Variants in FAF1 observed in about 807,000 individuals in gnomAD.
The protein encoded by FAF1 is Fas associated factor 1, also known as FAS-associated factor 1.
Under a neutral mutation model 92.5 loss-of-function variants are expected in FAF1, and 25 were observed. The observed-to-expected ratio is 0.27, with a 90% CI of 0.20 to 0.38. The LOEUF (loss-of-function observed/expected upper bound fraction) is 0.38. Ranked by LOEUF, FAF1 falls within the 10% of genes least tolerant of loss-of-function variation. The pLI is 1.00. For missense variants in FAF1, 636 were observed against 793.3 expected, an observed-to-expected ratio of 0.80 and a Z score of 2.38; for synonymous variants, 234 against 273.2, an observed-to-expected ratio of 0.86 and a Z score of 1.42.
chr1:50,503,290 T>C (rs1228268186), intron 15 of FAF1, among the ~76,000 whole-genome samples: 1 of 152,164 alleles, frequency 6.6e-6, no homozygotes, highest in East Asian at 1.9e-4. Flanking sequence ...GTTAACTGTA[T>C]CTTATGTAAA....
intron 7 of FAF1, among the ~76,000 whole-genome samples, chr1:50,683,645 G>A (rs1483657272): frequency 6.6e-6 from 1 of 151,446 alleles, no homozygotes; most frequent in Non-Finnish European, 1.5e-5. Flanking sequence ...TTTTTTAAAT[G>A]TTTTTGGCCG....
rs755424291 is a variant in FAF1, at chr1:50,874,758, CTTTTTTTTTTTTTTTTTTTTT to C, written c.46-16782_46-16762del. On this transcript the variant is annotated intron_variant, in intron 1 of 18. Coordinates refer to ENST00000396153, the MANE Select transcript of FAF1 (RefSeq NM_007051.3). The stretch of plus-strand genomic sequence containing the variant: ...TTCTCCATCTTATTTTCTTTTCTTT[CTTTTTTTTTTTTTTTTTTTTT>C]TTTTTTTGGAGACAGGGTCTCACTC... Among the ~76,000 whole-genome samples, 30 of 67,254 alleles carry C rather than the reference CTTTTTTTTTTTTTTTTTTTTT, an allele frequency of 4.5e-4. No individual in the cohort carries two copies. In the East Asian group the frequency reaches 9.3e-3, roughly 21 times the overall value. 44.1% of individuals were successfully genotyped at this position (67,254 alleles called of 152,430 possible).
At chr1:50,614,112 A>G (rs950234449) in intron 8 of FAF1, among the ~76,000 whole-genome samples, 1 of 152,082 alleles carries the variant, frequency 6.6e-6, no homozygotes, top group South Asian at 2.1e-4. Context: ...AAAGAAAAAA[A>G]ACACACACAA....
chr1:50,446,103 G>T (rs771283598), intron 18 of FAF1, among the ~76,000 whole-genome samples: 21 of 152,206 alleles, frequency 1.4e-4, no homozygotes, highest in Admixed American at 2.6e-4. Flanking sequence ...TTGGGGTTGT[G>T]GGGGGGAAGC....
chr1:50,897,328 G>A (rs1644765667), intron 1 of FAF1, among the ~76,000 whole-genome samples: 1 of 152,212 alleles, frequency 6.6e-6, no homozygotes, highest in Admixed American at 6.5e-5. Context: ...GATGTGCATG[G>A]GCAGAGGAGA....
At chr1:50,749,987 T>C (rs1384333826) in intron 4 of FAF1, among the ~76,000 whole-genome samples, 2 of 152,164 alleles carry the variant, frequency 1.3e-5, no homozygotes, top group East Asian at 1.9e-4. Context: ...TTACAATTAA[T>C]GAGATAACAT....
intron 7 of FAF1, among the ~76,000 whole-genome samples, chr1:50,672,448 AT>A (rs200010940): frequency 2.0e-5 from 3 of 151,362 alleles, no homozygotes; most frequent in Non-Finnish European, 4.4e-5. Context: ...TAATTTTTGT[AT>A]TTTTTTTGTT....
intron 12 of FAF1, among the ~76,000 whole-genome samples, chr1:50,568,987 T>C (rs934501552): frequency 3.9e-5 from 6 of 152,296 alleles, no homozygotes; most frequent in African/African-American, 1.4e-4. Context: ...GTTGAAATGC[T>C]CTTTGTGTCA....
chr1:50,893,700 C>A (rs1328427841), intron 1 of FAF1, among the ~76,000 whole-genome samples: 1 of 152,130 alleles, frequency 6.6e-6, no homozygotes, highest in South Asian at 2.1e-4. Context: ...TGGCTACCAA[C>A]TATGTTCGCA....
chr1:50,469,541 C>T lies in FAF1; in HGVS notation c.1869+5923G>A, dbSNP rs201969680. 7 of 152,058 alleles carry T rather than the reference C, an allele frequency of 4.6e-5. No homozygotes were observed. The East Asian group carries it at 9.6e-4, about 21-fold the overall frequency. The allele number at this position is 152,058 out of a possible 1,614,324, so 9.4% of individuals were successfully genotyped here. A position where few individuals can be genotyped will look rare whatever the true frequency, so the allele number is the denominator to read the frequency against. ...GTGAAATTTTGAAGATTTTATATGC[C>T]ATGGTAAGGAGTTTGGACTTTTTCT... is the stretch of plus-strand genomic sequence containing the variant. On this transcript the variant is annotated intron_variant, in intron 18 of 18. Coordinates refer to ENST00000396153, the MANE Select transcript of FAF1 (RefSeq NM_007051.3).
chr1:50,855,790 G>A (rs1644386602), intron 2 of FAF1, among the ~76,000 whole-genome samples: 1 of 151,810 alleles, frequency 6.6e-6, no homozygotes, highest in Admixed American at 6.6e-5. Context: ...AAGCCAGCTA[G>A]GAGATAGACA....
chr1:50,471,852 G>C (rs1646576763), intron 18 of FAF1, among the ~76,000 whole-genome samples: 1 of 152,004 alleles, frequency 6.6e-6, no homozygotes, highest in Non-Finnish European at 1.5e-5. Flanking sequence ...GCAAAAAATG[G>C]AAAAAGAGTA....
intron 9 of FAF1, among the ~76,000 whole-genome samples, chr1:50,589,037 G>A (rs1291694556): frequency 6.6e-6 from 1 of 152,206 alleles, no homozygotes; most frequent in African/African-American, 2.4e-5. Context: ...TATGTGGGCA[G>A]CTGCAGGGCC....
chr1:50,858,066 T>C, intron 1 of FAF1, 69 bp from the exon 2 acceptor site: 2 of 1,052,986 alleles, frequency 1.9e-6, no homozygotes, highest in Non-Finnish European at 2.8e-6. Context: ...GACTTAAAAA[T>C]GTAAATAGCA....
At chr1:50,740,864 CTCTTTTTA>C (rs1659355982) in intron 5 of FAF1, among the ~76,000 whole-genome samples, 1 of 152,068 alleles carries the variant, frequency 6.6e-6, no homozygotes. Flanking sequence ...AATTATTTTT[CTCTTTTTA>C]TCTTTCATTG....
At chr1:50,606,569 A>C (rs1161495542) in intron 8 of FAF1, among the ~76,000 whole-genome samples, 3 of 133,116 alleles carry the variant, frequency 2.3e-5, no homozygotes, top group Admixed American at 9.4e-5. Flanking sequence ...GCACGATCTC[A>C]GCTCACCACA....
intron 18 of FAF1, among the ~76,000 whole-genome samples, chr1:50,444,313 G>A (rs17106184): frequency 0.084 from 12,834 of 152,264 alleles, 575 homozygotes; most frequent in East Asian, 0.092. Flanking sequence ...TATGTTCTCC[G>A]AGAGACAGCT....
chr1:50,767,644 T>G (rs1244896158), intron 4 of FAF1, among the ~76,000 whole-genome samples: 2 of 152,122 alleles, frequency 1.3e-5, no homozygotes, highest in Non-Finnish European at 2.9e-5. Flanking sequence ...CAGAAGAGAT[T>G]GGGGGTTTAT....
intron 15 of FAF1, among the ~76,000 whole-genome samples, chr1:50,529,973 C>T (rs1648053000): frequency 6.6e-6 from 1 of 152,120 alleles, no homozygotes; most frequent in Non-Finnish European, 1.5e-5. Flanking sequence ...CAGAATGTAG[C>T]TACCTTCAGA....
Sources: gnomAD v4.1 joint callset for allele counts (sites outside exome capture counted in the v4.1 genomes callset) on GRCh38, gnomAD v4.1.1 for gene constraint, MANE v1.5 for transcripts, NCBI Gene and HGNC (gene_info 2026-07-23, HGNC 2026-07-21) for gene names.